Variants in SMAP1 observed in about 807,000 individuals in gnomAD.
SMAP1 encodes stromal membrane-associated protein 1.
Under a neutral mutation model 58.5 loss-of-function variants are expected in SMAP1, and 24 were observed. The observed-to-expected ratio is 0.41, with a 90% CI of 0.30 to 0.58. The LOEUF is 0.58. SMAP1 is among the 20% of genes least tolerant of loss of function. SMAP1 has a pLI of 0.29. For synonymous variants in SMAP1, 216 were observed against 196.6 expected (o/e 1.10, Z -0.82); for missense variants, 563 against 566.3 (o/e 0.99, Z 0.06).
chr6:70,844,110 G>A (rs1770900938), intron 7 of SMAP1, among the ~76,000 whole-genome samples: 1 of 152,114 alleles, frequency 6.6e-6, no homozygotes, highest in Non-Finnish European at 1.5e-5. Flanking sequence ...GAGGAAATTG[G>A]GTGGCCTCAG....
chr6:70,766,304 C>A (rs1239913812), intron 3 of SMAP1, among the ~76,000 whole-genome samples: 1 of 152,174 alleles, frequency 6.6e-6, no homozygotes, highest in African/African-American at 2.4e-5. Context: ...AGTTCTAGAT[C>A]CCTGAGGAAT....
chr6:70,785,564 TAAAG>T (rs1194406274), intron 4 of SMAP1, among the ~76,000 whole-genome samples: 3 of 151,798 alleles, frequency 2.0e-5, no homozygotes, highest in East Asian at 1.9e-4. Context: ...GCAGGACTAA[TAAAG>T]AAGAAAAGAG....
In SMAP1 at chr6:70,764,598, A is replaced by C. The variant is rs548554476; in HGVS notation, c.339-8752A>C. Among the ~76,000 whole-genome samples, 249 of 152,342 alleles carry C rather than the reference A, an allele frequency of 1.6e-3. 1 individual carries two copies. The highest frequency in any genetic ancestry group is 5.7e-3 in the African/African-American group (238 of 41,580). On this transcript the variant is annotated intron_variant, in intron 3 of 10. Coordinates refer to ENST00000370455, the MANE Select transcript of SMAP1 (RefSeq NM_001044305.3). ...CCTGGGTGACAGCACATCTGTTTAC[A>C]GCATGGTTTACTGAATACATTAAGT... is the stretch of plus-strand genomic sequence containing the variant.
chr6:70,767,030 C>A (rs1392602198), intron 3 of SMAP1, among the ~76,000 whole-genome samples: 6 of 150,750 alleles, frequency 4.0e-5, no homozygotes, highest in Admixed American at 6.6e-5. Flanking sequence ...TTGTTTTTCT[C>A]AGGTTTGTCA....
chr6:70,807,828 C>G lies in SMAP1; in HGVS notation c.576+9091C>G, dbSNP rs565585871. 6.0e-4 allele frequency among the ~76,000 whole-genome samples: 91 copies of G among 152,136 alleles called. 2 individuals carry two copies. The South Asian group carries it at 0.018, about 30-fold the overall frequency. ...AGTGCTGGAGTTGTGGCCCTTACCC[C>G]CACTGTGCCGTTGAAAATCCTCATA... On this transcript the variant is annotated intron_variant, in intron 6 of 10. Transcript: ENST00000370455.
Position 70,857,975 on chromosome 6 carries a change from T to C in SMAP1, c.1015T>C (p.Phe339Leu). Residue 339 changes from phenylalanine to leucine, a missense_variant, in exon 10 of 11, where the codon TTT becomes CTT. Phe to Leu is a conservative substitution (Grantham distance 22). Around this residue, in one of 3 missense-constraint regions of SMAP1, gnomAD observed 494 missense variants for 473.8 expected, o/e 1.04. Transcript: ENST00000370455. Reference protein sequence around the residue: ...IPFTSQAPAAFQGFPSMGVPV... With the variant: ...IPFTSQAPAALQGFPSMGVPV... ...ATTTACCTCACAAGCACCAGCTGCA[T>C]TTCAGGGCTTTCCATCGATGGGCGT... 1 of 1,614,156 alleles carries C rather than the reference T, an allele frequency of 6.2e-7. No homozygotes were observed. Among genetic ancestry groups the C allele is most frequent in the South Asian group, 1.1e-5 (1 of 91,078 alleles).
chr6:70,744,890 T>G (rs1164873006), intron 2 of SMAP1, among the ~76,000 whole-genome samples: 1 of 152,242 alleles, frequency 6.6e-6, no homozygotes, highest in East Asian at 1.9e-4. Context: ...TGGTATCTCA[T>G]TGTGGTTTTG....
chr6:70,752,717 A>G (rs1766327818), intron 2 of SMAP1, among the ~76,000 whole-genome samples: 1 of 150,516 alleles, frequency 6.6e-6, no homozygotes, highest in Admixed American at 6.6e-5. Context: ...TTTCATTTTC[A>G]CTGGTTCTTT....
At chr6:70,705,338 A>G (rs760030531) in intron 1 of SMAP1, among the ~76,000 whole-genome samples, 54 of 148,530 alleles carry the variant, frequency 3.6e-4, no homozygotes, top group Non-Finnish European at 6.7e-4. Context: ...TGCAGCTTCC[A>G]CCTCCTGGGT....
intron 1 of SMAP1, among the ~76,000 whole-genome samples, chr6:70,727,843 G>A (rs1765247787): frequency 6.6e-6 from 1 of 152,068 alleles, no homozygotes; most frequent in Admixed American, 6.6e-5. Flanking sequence ...CAAGTGGAAT[G>A]CTTGAGCCCA....
At chr6:70,775,252 C>A (rs1767500060) in intron 4 of SMAP1, among the ~76,000 whole-genome samples, 1 of 151,958 alleles carries the variant, frequency 6.6e-6, no homozygotes, top group African/African-American at 2.4e-5. Context: ...GTTAAGAAAT[C>A]ATTTTAGTTT....
At chr6:70,795,459 A>G (rs1435546742) in intron 5 of SMAP1, among the ~76,000 whole-genome samples, 2 of 152,186 alleles carry the variant, frequency 1.3e-5, no homozygotes, top group Non-Finnish European at 2.9e-5. Context: ...TGAAGGGTCC[A>G]CTTTCTGGTT....
At chr6:70,795,859 TC>T (rs1195517632) in intron 5 of SMAP1, among the ~76,000 whole-genome samples, 1 of 151,940 alleles carries the variant, frequency 6.6e-6, no homozygotes, top group Non-Finnish European at 1.5e-5. Context: ...TGCCTCAGCC[TC>T]CCAAGTAGCT....
chr6:70,802,620 C>G (rs949166434), intron 6 of SMAP1, among the ~76,000 whole-genome samples: 1 of 152,108 alleles, frequency 6.6e-6, no homozygotes, highest in African/African-American at 2.4e-5. Flanking sequence ...TTTGCCCATT[C>G]AGTATGATAT....
At chr6:70,731,688 T>G (rs1765437658) in intron 1 of SMAP1, among the ~76,000 whole-genome samples, 1 of 152,240 alleles carries the variant, frequency 6.6e-6, no homozygotes. Context: ...TCTGTGACCT[T>G]TTTTAATGTC....
intron 3 of SMAP1, among the ~76,000 whole-genome samples, chr6:70,759,168 TGAAGAATAAAGCATGGTAGAAG>T (rs1219419354): frequency 6.6e-6 from 1 of 152,152 alleles, no homozygotes; most frequent in African/African-American, 2.4e-5. Context: ...GGCTGAATCC[TGAAGAATAAAGCATGGTAGAAG>T]GAAAAACAGC....
At chr6:70,698,899 A>G (rs964253376) in intron 1 of SMAP1, among the ~76,000 whole-genome samples, 4 of 152,130 alleles carry the variant, frequency 2.6e-5, no homozygotes, top group African/African-American at 9.7e-5. Context: ...TTTGTGCCTT[A>G]TTTAGTTCAT....
chr6:70,757,608 G>A (rs1022256916), intron 3 of SMAP1, among the ~76,000 whole-genome samples: 69 of 151,596 alleles, frequency 4.6e-4, no homozygotes, highest in African/African-American at 1.1e-3. Context: ...GAAAATTTTC[G>A]CAACCTACTC....
At chr6:70,798,871 G>A (rs1768725146) in intron 6 of SMAP1, 134 bp downstream of exon 6, 2 of 696,008 alleles carry the variant, frequency 2.9e-6, no homozygotes, top group East Asian at 2.9e-5. Flanking sequence ...AGTGAATGCT[G>A]TGTGCTCAGC....
Sources: gnomAD v4.1 joint callset for allele counts (sites outside exome capture counted in the v4.1 genomes callset) on GRCh38, gnomAD v4.1.1 for gene constraint, gnomAD v4.1.1 regional missense constraint, MANE v1.5 for transcripts, NCBI Gene and HGNC (gene_info 2026-07-23, HGNC 2026-07-21) for gene names.